Variants in TMEM135 observed in about 807,000 individuals in gnomAD.
The protein encoded by TMEM135 is peroxisomal membrane protein 52.
TMEM135 carries 30 observed loss-of-function variants against 60.3 expected under a neutral mutation model. That is an observed-to-expected ratio of 0.50 (90% CI 0.37 to 0.68). The LOEUF (loss-of-function observed/expected upper bound fraction) is 0.68, where lower values mean the gene tolerates loss of function less well. TMEM135 is among the 30% of genes least tolerant of loss of function. The probability of loss-of-function intolerance (pLI) is 0.00; values close to 1 mark genes in which losing one functional copy is unlikely to be tolerated. For synonymous variants in TMEM135, 190 were observed against 186.7 expected, an observed-to-expected ratio of 1.02 and a Z score of -0.14; for missense variants, 468 against 548.8, an observed-to-expected ratio of 0.85 and a Z score of 1.47.
chr11:87,111,272 T>C (rs1291714347), intron 4 of TMEM135, among the ~76,000 whole-genome samples: 2 of 152,144 alleles, frequency 1.3e-5, no homozygotes, highest in East Asian at 3.8e-4. Flanking sequence ...AGTTATTTAA[T>C]ATATGGGTTT....
chr11:87,277,738 T>A (rs953595685), intron 6 of TMEM135, among the ~76,000 whole-genome samples: 3 of 152,000 alleles, frequency 2.0e-5, no homozygotes. Flanking sequence ...GCCAGGCTGG[T>A]CTCGAACTCC....
At chr11:87,072,312 C>T (rs1013805623) in intron 3 of TMEM135, among the ~76,000 whole-genome samples, 2 of 152,266 alleles carry the variant, frequency 1.3e-5, no homozygotes, top group Non-Finnish European at 2.9e-5. Flanking sequence ...ATCTGTACTT[C>T]GCTTACTTTG....
chr11:87,136,208 T>TGA (rs1341803289), intron 4 of TMEM135, among the ~76,000 whole-genome samples: 1 of 152,044 alleles, frequency 6.6e-6, no homozygotes, highest in Admixed American at 6.6e-5. Flanking sequence ...GTATGCCTTA[T>TGA]GAGAGTTAAA....
chr11:87,040,418 G>A (rs1949740224), intron 1 of TMEM135, among the ~76,000 whole-genome samples: 1 of 152,200 alleles, frequency 6.6e-6, no homozygotes, highest in African/African-American at 2.4e-5. Context: ...CAGCTCTTTG[G>A]GAGGCCGAGG....
At chr11:87,216,143 G>C (rs545092031) in intron 5 of TMEM135, among the ~76,000 whole-genome samples, 3 of 152,144 alleles carry the variant, frequency 2.0e-5, no homozygotes, top group Non-Finnish European at 4.4e-5. Flanking sequence ...ATAGGGTTTG[G>C]CATTATAAGT....
chr11:87,193,759 CTTA>C (rs1451742791), intron 5 of TMEM135, among the ~76,000 whole-genome samples: 1 of 142,536 alleles, frequency 7.0e-6, no homozygotes, highest in African/African-American at 2.5e-5. Context: ...CATATATATT[CTTA>C]TATATTATAT....
chr11:87,304,501 C>G (rs1394529145), intron 8 of TMEM135, among the ~76,000 whole-genome samples: 1 of 145,466 alleles, frequency 6.9e-6, no homozygotes, highest in Non-Finnish European at 1.5e-5. Context: ...GGCAGCCTTT[C>G]TCTTATTCAC....
intron 5 of TMEM135, among the ~76,000 whole-genome samples, chr11:87,202,979 G>T (rs1940150837): frequency 7.2e-6 from 1 of 139,176 alleles, no homozygotes; most frequent in African/African-American, 2.7e-5. Flanking sequence ...CTTGCAGTGA[G>T]CCGAGATCAT....
Position 87,037,942 on chromosome 11 carries a change from CCT to C in TMEM135, c.-102_-101del, listed in dbSNP as rs1565416473. On this transcript the variant is annotated 5_prime_UTR_variant, in exon 1 of 15. Coordinates refer to ENST00000305494, the MANE Select transcript of TMEM135 (RefSeq NM_022918.4). ...CGTGACCTTTCCCCTCCATTCCGCACCTCCGAGTGCTGGCCGGGCGAGAGGCT... is the reference window on the plus strand; with the variant it reads ...CGTGACCTTTCCCCTCCATTCCGCACCCGAGTGCTGGCCGGGCGAGAGGCT... 6.4e-7 allele frequency: 1 copy of C among 1,556,072 alleles called. No homozygotes were observed. Among genetic ancestry groups the C allele is most frequent in the Admixed American group, 1.7e-5 (1 of 59,884 alleles).
At chr11:87,255,675 A>G (rs2135396033) in intron 6 of TMEM135, among the ~76,000 whole-genome samples, 1 of 152,136 alleles carries the variant, frequency 6.6e-6, no homozygotes. Flanking sequence ...AAAAGTATCT[A>G]CAAGCAATTT....
intron 4 of TMEM135, among the ~76,000 whole-genome samples, chr11:87,110,789 T>TGTGA (rs1555105128): frequency 4.8e-4 from 73 of 151,774 alleles, no homozygotes; most frequent in East Asian, 3.5e-3. Flanking sequence ...TGTGTGTGTG[T>TGTGA]GATGAATAAA....
chr11:87,313,805 A>G (rs527578840), intron 11 of TMEM135, among the ~76,000 whole-genome samples: 2 of 151,970 alleles, frequency 1.3e-5, no homozygotes, highest in South Asian at 4.1e-4. Context: ...AGGGAAGTTC[A>G]AGTAGATTTC....
intron 6 of TMEM135, among the ~76,000 whole-genome samples, chr11:87,238,772 C>A (rs958343329): frequency 1.2e-4 from 18 of 152,066 alleles, no homozygotes; most frequent in Admixed American, 8.5e-4. Flanking sequence ...ATATAGCATA[C>A]CCAGTAGGGA....
At chr11:87,276,456 T>C (rs987802792) in intron 6 of TMEM135, among the ~76,000 whole-genome samples, 1 of 151,980 alleles carries the variant, frequency 6.6e-6, no homozygotes, top group Admixed American at 6.6e-5. Flanking sequence ...TACTTTAATC[T>C]TAGACTTTTA....
At chr11:87,069,594 A>G (rs1856736984) in intron 2 of TMEM135, among the ~76,000 whole-genome samples, 3 of 152,180 alleles carry the variant, frequency 2.0e-5, no homozygotes, top group Admixed American at 1.3e-4. Context: ...TCTGCTTTGG[A>G]CATGTTGCTT....
At chr11:87,291,593 G>A (rs913232344) in intron 6 of TMEM135, among the ~76,000 whole-genome samples, 1 of 124,572 alleles carries the variant, frequency 8.0e-6, no homozygotes, top group South Asian at 2.7e-4. Context: ...GTGCAATGGT[G>A]TGATCTTGGC....
intron 4 of TMEM135, among the ~76,000 whole-genome samples, chr11:87,154,912 T>G (rs1295316215): frequency 6.6e-6 from 1 of 152,290 alleles, no homozygotes; most frequent in Non-Finnish European, 1.5e-5. Context: ...TGTTTTCTAT[T>G]TCATGAGTTG....
At chr11:87,101,263 G>T (rs1352304284) in intron 4 of TMEM135, among the ~76,000 whole-genome samples, 1 of 152,168 alleles carries the variant, frequency 6.6e-6, no homozygotes, top group East Asian at 1.9e-4. Context: ...AACACTTGCT[G>T]TTAGAATTTA....
chr11:87,086,703 GA>G (rs1857104508), intron 3 of TMEM135, among the ~76,000 whole-genome samples: 1 of 152,188 alleles, frequency 6.6e-6, no homozygotes, highest in African/African-American at 2.4e-5. Flanking sequence ...AACCAATTAG[GA>G]AAGGGTAGGT....
Sources: gnomAD v4.1 joint callset for allele counts (sites outside exome capture counted in the v4.1 genomes callset) on GRCh38, gnomAD v4.1.1 for gene constraint, MANE v1.5 for transcripts, NCBI Gene and HGNC (gene_info 2026-07-23, HGNC 2026-07-21) for gene names.